Variants in WHR1 observed in about 807,000 individuals in gnomAD.
The protein encoded by WHR1 is MHC class III HLA-RP1.
At chr6:31,980,522 G>A in the WHR1 span, 1 of 1,613,046 alleles carries the variant, frequency 6.2e-7, no homozygotes, top group Admixed American at 1.7e-5. Context: ...CCTGGAGCTG[G>A]GAGATTCATC....
chr6:31,975,584 T>C, the WHR1 span, among the ~76,000 whole-genome samples: 2 of 151,654 alleles, frequency 1.3e-5, no homozygotes, highest in Non-Finnish European at 2.9e-5. Context: ...TCTGCCTGCC[T>C]CGGCCTCCCA....
the WHR1 span, among the ~76,000 whole-genome samples, chr6:31,977,368 A>G: frequency 3.3e-5 from 4 of 122,872 alleles, no homozygotes; most frequent in African/African-American, 1.3e-4. Context: ...TTTGAGACGG[A>G]GTCTCGCTCT....
the WHR1 span, chr6:31,972,501 G>A: frequency 3.7e-6 from 6 of 1,608,616 alleles, no homozygotes; most frequent in Non-Finnish European, 5.1e-6. The surrounding 1 kb of genome is among the most constrained non-coding windows in gnomAD (Gnocchi z 6.3). Context: ...ATCCTCTTCG[G>A]GGTGAGCCAG....
the WHR1 span, chr6:31,978,982 A>G: frequency 1.1e-5 from 17 of 1,612,166 alleles, no homozygotes; most frequent in Non-Finnish European, 1.4e-5. Flanking sequence ...ATCTTCACTG[A>G]GGACTACAGG....
the WHR1 span, chr6:31,979,472 C>T: frequency 6.2e-7 from 1 of 1,612,928 alleles, no homozygotes; most frequent in Non-Finnish European, 8.5e-7. Flanking sequence ...TTTCTAGCTT[C>T]AGTACTTCCA....
the WHR1 span, among the ~76,000 whole-genome samples, chr6:31,974,633 C>T: frequency 6.6e-6 from 1 of 152,136 alleles, no homozygotes; most frequent in Non-Finnish European, 1.5e-5. Flanking sequence ...TGGTGTGCAC[C>T]TATTGTTCTA....
At chr6:31,972,500 G>A in the WHR1 span, 13 of 1,608,668 alleles carry the variant, frequency 8.1e-6, no homozygotes, top group Admixed American at 1.7e-5. This position sits in a 1 kb window ranked among gnomAD's most constrained non-coding sequence, Gnocchi z 6.3. Context: ...GATCCTCTTC[G>A]GGGTGAGCCA....
chr6:31,971,802 T>A, the WHR1 span: 1 of 1,326,140 alleles, frequency 7.5e-7, no homozygotes, highest in South Asian at 1.5e-5. This position sits in a 1 kb window ranked among gnomAD's most constrained non-coding sequence, Gnocchi z 4.5. Flanking sequence ...TTCAGGCCCC[T>A]CAGACGCCAC....
At chr6:31,973,125 A>C in the WHR1 span, 25 of 476,412 alleles carry the variant, frequency 5.2e-5, no homozygotes, top group Non-Finnish European at 9.3e-5. Flanking sequence ...GGTGTATTGG[A>C]GATAGTGGAT....
chr6:31,972,531 G>C, the WHR1 span: 1 of 1,599,616 alleles, frequency 6.3e-7, no homozygotes, highest in Non-Finnish European at 8.5e-7. The surrounding 1 kb of genome is among the most constrained non-coding windows in gnomAD (Gnocchi z 6.3). Flanking sequence ...GCAACCCCGG[G>C]GGTGGGGCCT....
At chr6:31,971,205 C>T in the WHR1 span, 1 of 1,581,570 alleles carries the variant, frequency 6.3e-7, no homozygotes, top group South Asian at 1.1e-5. The surrounding 1 kb of genome is among the most constrained non-coding windows in gnomAD (Gnocchi z 4.5). Flanking sequence ...AGATGCTCCC[C>T]TCGAAGAATA....
the WHR1 span, among the ~76,000 whole-genome samples, chr6:31,977,815 T>C: frequency 6.7e-6 from 1 of 149,778 alleles, no homozygotes. Flanking sequence ...ATTTTTTGAG[T>C]TAGAGTCTCA....
the WHR1 span, among the ~76,000 whole-genome samples, chr6:31,973,531 G>A: frequency 2.0e-5 from 3 of 152,134 alleles, no homozygotes; most frequent in African/African-American, 4.8e-5. Context: ...TAACCTTTTT[G>A]TAATCTTTAG....
chr6:31,971,536 G>A, the WHR1 span: 1 of 1,614,202 alleles, frequency 6.2e-7, no homozygotes, highest in Admixed American at 1.7e-5. The surrounding 1 kb of genome is among the most constrained non-coding windows in gnomAD (Gnocchi z 4.5). Context: ...GCCCAGTTCC[G>A]AAGGGCGCCG....
chr6:31,979,994 G>C, the WHR1 span: 2 of 202,976 alleles, frequency 9.9e-6, no homozygotes, highest in African/African-American at 2.3e-5. Context: ...CTCCTACTTT[G>C]TAACCCATGG....
chr6:31,979,659 G>GCTGCC, the WHR1 span: 2 of 1,476,836 alleles, frequency 1.4e-6, no homozygotes, highest in Non-Finnish European at 1.8e-6. Flanking sequence ...TGCCAGAAAA[G>GCTGCC]CTGCCAAAAA....
chr6:31,971,600 C>T, the WHR1 span: 1 of 1,613,624 alleles, frequency 6.2e-7, no homozygotes, highest in Non-Finnish European at 8.5e-7. This position sits in a 1 kb window ranked among gnomAD's most constrained non-coding sequence, Gnocchi z 4.5. Context: ...AGAGAAGGTG[C>T]TGGACGAGGT....
At chr6:31,979,443 T>C in the WHR1 span, 2 of 1,612,988 alleles carry the variant, frequency 1.2e-6, no homozygotes, top group South Asian at 2.2e-5. Context: ...GCCGACCGTA[T>C]GCTGGGGCAG....
chr6:31,978,800 C>T, the WHR1 span: 3 of 988,302 alleles, frequency 3.0e-6, no homozygotes, highest in Non-Finnish European at 4.5e-6. Flanking sequence ...GAGAAAATGC[C>T]CCCATATTGG....
Sources: gnomAD v4.1 joint callset for allele counts (sites outside exome capture counted in the v4.1 genomes callset) on GRCh38, gnomAD v4.1.1 for gene constraint, Gnocchi (gnomAD v3.1) non-coding constraint, MANE v1.5 for transcripts, NCBI Gene and HGNC (gene_info 2026-07-23, HGNC 2026-07-21) for gene names.